The following NTRK2 variants were observed in gnomAD, a reference collection of about 807,000 sequenced individuals.
NTRK2 encodes the protein neurotrophic receptor tyrosine kinase 2, also known as BDNF/NT-3 growth factors receptor.
Under a neutral mutation model 94.5 loss-of-function variants are expected in NTRK2, and 13 were observed. The observed-to-expected ratio is 0.14, with a 90% confidence interval of 0.09 to 0.22. The LOEUF (loss-of-function observed/expected upper bound fraction) is 0.22. Ranked by LOEUF, NTRK2 falls within the 10% of genes least tolerant of loss-of-function variation. The probability of loss-of-function intolerance (pLI) is 1.00; values close to 1 mark genes in which losing one functional copy is unlikely to be tolerated. For synonymous variants in NTRK2, 372 were observed against 407.4 expected (o/e 0.91, Z 1.05); for missense variants, 639 against 1,071.2 (o/e 0.60, Z 5.63).
At chr9:84,734,522 C>G (rs1302551880) in intron 9 of NTRK2, among the ~76,000 whole-genome samples, 1 of 152,214 alleles carries the variant, frequency 6.6e-6, no homozygotes, top group Non-Finnish European at 1.5e-5. Flanking sequence ...TATGTCCCCA[C>G]ACAAATCTCA....
chr9:84,895,742 C>T (rs907220639), intron 14 of NTRK2, among the ~76,000 whole-genome samples: 1 of 152,176 alleles, frequency 6.6e-6, no homozygotes, highest in Admixed American at 6.5e-5. Context: ...CTTGCCTTCG[C>T]AGGATCTCCT....
chr9:84,808,991 T>C (rs2071436279), intron 12 of NTRK2, among the ~76,000 whole-genome samples: 1 of 152,210 alleles, frequency 6.6e-6, no homozygotes, highest in African/African-American at 2.4e-5. Context: ...CGGAGATTTC[T>C]ATTACCACAT....
chr9:84,732,525 G>A (rs1467469645), intron 9 of NTRK2, among the ~76,000 whole-genome samples: 1 of 152,138 alleles, frequency 6.6e-6, no homozygotes, highest in African/African-American at 2.4e-5. Context: ...GCTTTTGATT[G>A]AGTGACAAAC....
intron 12 of NTRK2, among the ~76,000 whole-genome samples, chr9:84,821,535 A>G (rs547733850): frequency 6.6e-6 from 1 of 152,330 alleles, no homozygotes; most frequent in Admixed American, 6.5e-5. Flanking sequence ...ATAAATAGCA[A>G]GAAGTTTTGC....
At chr9:84,971,145 C>G (rs1412500446) in intron 17 of NTRK2, among the ~76,000 whole-genome samples, 1 of 152,154 alleles carries the variant, frequency 6.6e-6, no homozygotes, top group Non-Finnish European at 1.5e-5. Flanking sequence ...TTCTAGAATT[C>G]AGGTCATTCT....
At chr9:84,771,560 A>G (rs935761794) in intron 12 of NTRK2, among the ~76,000 whole-genome samples, 1 of 152,224 alleles carries the variant, frequency 6.6e-6, no homozygotes, top group Admixed American at 6.5e-5. Flanking sequence ...CAAAAGCCAT[A>G]CTAGAGACCT....
chr9:84,708,781 A>G (rs888514030), intron 5 of NTRK2, among the ~76,000 whole-genome samples: 13 of 152,218 alleles, frequency 8.5e-5, no homozygotes, highest in African/African-American at 3.1e-4. Context: ...TGGAGAGACA[A>G]CAAGTTAATA....
At chr9:84,828,426 C>G (rs777825415) in intron 12 of NTRK2, among the ~76,000 whole-genome samples, 8 of 152,128 alleles carry the variant, frequency 5.3e-5, no homozygotes, top group Non-Finnish European at 5.9e-5. Flanking sequence ...TGCTTCTTCT[C>G]CCTAATTCTG....
chr9:84,816,267 A>C (rs2055373210), intron 12 of NTRK2, among the ~76,000 whole-genome samples: 1 of 152,092 alleles, frequency 6.6e-6, no homozygotes, highest in Admixed American at 6.6e-5. Flanking sequence ...TTTTGTCTCT[A>C]TCCTCAGGTC....
intron 12 of NTRK2, among the ~76,000 whole-genome samples, chr9:84,821,801 G>C (rs926044091): frequency 8.2e-6 from 1 of 122,036 alleles, no homozygotes; most frequent in African/African-American, 3.1e-5. Flanking sequence ...CCTCTTAGCA[G>C]AGAGGGAGAG....
chr9:84,822,874 C>T (rs1449616260), intron 12 of NTRK2, among the ~76,000 whole-genome samples: 2 of 152,154 alleles, frequency 1.3e-5, no homozygotes, highest in Admixed American at 6.5e-5. Flanking sequence ...TGAAGGTCTA[C>T]GAGGTGCATT....
At chr9:84,919,729 C>T (rs2077503057) in intron 14 of NTRK2, among the ~76,000 whole-genome samples, 1 of 152,158 alleles carries the variant, frequency 6.6e-6, no homozygotes, top group Non-Finnish European at 1.5e-5. Flanking sequence ...ATCTGTGAGC[C>T]ATTGTGTAAT....
intron 12 of NTRK2, among the ~76,000 whole-genome samples, chr9:84,856,603 G>A (rs1007500974): frequency 1.3e-5 from 2 of 152,090 alleles, no homozygotes; most frequent in South Asian, 2.1e-4. Context: ...TTCTCTCCCT[G>A]AAGCAAAGCA....
intron 17 of NTRK2, among the ~76,000 whole-genome samples, chr9:84,985,599 C>T (rs189061244): frequency 3.5e-4 from 53 of 152,254 alleles, no homozygotes; most frequent in African/African-American, 1.2e-3. Flanking sequence ...GGTATAAATA[C>T]GGAAAATGTT....
chr9:84,861,205 G>T (rs2075324306), intron 13 of NTRK2, 118 bp downstream of exon 13: 2 of 835,918 alleles, frequency 2.4e-6, no homozygotes, highest in Non-Finnish European at 3.8e-6. Context: ...TGTGTTCCTG[G>T]TTTTTGATTT....
intron 15 of NTRK2, among the ~76,000 whole-genome samples, chr9:84,940,114 A>T (rs993148896): frequency 2.0e-5 from 3 of 152,184 alleles, no homozygotes; most frequent in African/African-American, 7.2e-5. Flanking sequence ...GACCCTTGGA[A>T]ATGAAAGTTG....
At chr9:84,738,687 C>T (rs139018849) in intron 9 of NTRK2, among the ~76,000 whole-genome samples, 2 of 152,148 alleles carry the variant, frequency 1.3e-5, no homozygotes, top group Admixed American at 6.5e-5. Flanking sequence ...TATCCTCTCA[C>T]GTGCCAGTCT....
chr9:84,762,333 G>T (rs2065652150), intron 12 of NTRK2, among the ~76,000 whole-genome samples: 1 of 151,926 alleles, frequency 6.6e-6, no homozygotes. Context: ...TCAACATGTG[G>T]GCTGTTTCTT....
chr9:84,723,080 G>A (rs746702514), intron 6 of NTRK2, among the ~76,000 whole-genome samples: 31 of 152,302 alleles, frequency 2.0e-4, no homozygotes, highest in Middle Eastern at 3.4e-3. Flanking sequence ...CTGGTAGAGG[G>A]TTAGATTTGT....
Sources: allele counts gnomAD v4.1 joint callset (sites outside exome capture counted in the v4.1 genomes callset), GRCh38; gene constraint gnomAD v4.1.1; transcripts MANE v1.5; gene names NCBI Gene and HGNC (gene_info 2026-07-23, HGNC 2026-07-21).